AKT3: variants seen among roughly 807,000 people sequenced by gnomAD.
The protein encoded by AKT3 is RAC-gamma serine/threonine-protein kinase.
AKT3 carries 15 observed loss-of-function variants against 65.3 expected under a neutral mutation model. That is an observed-to-expected ratio of 0.23 (90% confidence interval 0.15 to 0.35). The LOEUF is 0.35. Among genes scored for constraint, AKT3 ranks in the 10% least tolerant of loss-of-function variants. AKT3 has a pLI of 1.00. For missense variants in AKT3, 243 were observed against 576.5 expected (o/e 0.42, Z 5.92); for synonymous variants, 206 against 183.8 (o/e 1.12, Z -0.98).
At chr1:243,804,445 T>C (rs1463344713) in intron 2 of AKT3, among the ~76,000 whole-genome samples, 2 of 152,226 alleles carry the variant, frequency 1.3e-5, no homozygotes, top group African/African-American at 4.8e-5. Flanking sequence ...TTGAAGTATA[T>C]ACACATTGTA....
chr1:243,791,716 C>A (rs1691643635), intron 2 of AKT3, among the ~76,000 whole-genome samples: 1 of 152,090 alleles, frequency 6.6e-6, no homozygotes, highest in South Asian at 2.1e-4. Flanking sequence ...TATTCCAGTC[C>A]CCTTCTCTCA....
At chr1:243,700,445 C>T (rs1285282054) in intron 2 of AKT3, among the ~76,000 whole-genome samples, 1 of 151,688 alleles carries the variant, frequency 6.6e-6, no homozygotes, top group Non-Finnish European at 1.5e-5. Flanking sequence ...CCATAGAAAA[C>T]ATCCTGAATT....
chr1:243,803,628 G>C (rs1348408986), intron 2 of AKT3, among the ~76,000 whole-genome samples: 1 of 144,770 alleles, frequency 6.9e-6, no homozygotes, highest in African/African-American at 2.6e-5. Context: ...GTTTGTTACA[G>C]AACAAAGACG....
intron 2 of AKT3, among the ~76,000 whole-genome samples, chr1:243,785,889 G>A (rs1691231482): frequency 6.6e-6 from 1 of 152,196 alleles, no homozygotes; most frequent in Admixed American, 6.5e-5. Context: ...TCCCAACACA[G>A]CCTGAAAGGA....
chr1:243,543,559 G>A (rs1034610343), intron 12 of AKT3, among the ~76,000 whole-genome samples: 4 of 152,148 alleles, frequency 2.6e-5, no homozygotes, highest in Admixed American at 2.0e-4. Flanking sequence ...AACCATGCAT[G>A]ATTTCTGGGA....
chr1:243,691,329 G>A (rs532382449), intron 3 of AKT3, among the ~76,000 whole-genome samples: 34 of 152,292 alleles, frequency 2.2e-4, no homozygotes, highest in Middle Eastern at 6.8e-3. Context: ...GATCTATGAT[G>A]TATTAAGAAA....
chr1:243,654,238 T>C (rs1241997230), intron 4 of AKT3, among the ~76,000 whole-genome samples: 1 of 152,172 alleles, frequency 6.6e-6, no homozygotes, highest in Non-Finnish European at 1.5e-5. Context: ...TACAGCAACC[T>C]CACAAAAAAT....
intron 2 of AKT3, among the ~76,000 whole-genome samples, chr1:243,784,201 A>G (rs142641253): frequency 1.0e-3 from 156 of 152,310 alleles, no homozygotes; most frequent in African/African-American, 3.4e-3. Flanking sequence ...TACATAATGA[A>G]AAATCCTTCA....
At chr1:243,696,967 A>T (rs796797124) in intron 2 of AKT3, among the ~76,000 whole-genome samples, 7 of 152,116 alleles carry the variant, frequency 4.6e-5, no homozygotes, top group African/African-American at 1.7e-4. Context: ...ATCTTTTACT[A>T]TAAAGGGCAA....
intron 2 of AKT3, among the ~76,000 whole-genome samples, chr1:243,724,461 T>C (rs1687093110): frequency 6.6e-6 from 1 of 152,106 alleles, no homozygotes; most frequent in African/African-American, 2.4e-5. Flanking sequence ...CAAAAGCATA[T>C]TTTTTTCAAA....
intron 8 of AKT3, among the ~76,000 whole-genome samples, chr1:243,594,474 C>A (rs1420002829): frequency 6.6e-6 from 1 of 152,004 alleles, no homozygotes; most frequent in Non-Finnish European, 1.5e-5. Flanking sequence ...AAATATACTC[C>A]CAAAGCAACA....
chr1:243,605,444 A>T (rs1677328526), intron 8 of AKT3, among the ~76,000 whole-genome samples: 1 of 152,210 alleles, frequency 6.6e-6, no homozygotes. Context: ...ATGCATGGAA[A>T]GTAGGAAGTA....
chr1:243,812,006 T>C (rs1319995097), intron 2 of AKT3, among the ~76,000 whole-genome samples: 2 of 152,254 alleles, frequency 1.3e-5, no homozygotes, highest in Non-Finnish European at 2.9e-5. Context: ...CCTTACATCT[T>C]ATACAAAAAT....
At chr1:243,594,341 TAATC>T (rs1439421287) in intron 8 of AKT3, among the ~76,000 whole-genome samples, 2 of 152,210 alleles carry the variant, frequency 1.3e-5, no homozygotes, top group South Asian at 2.1e-4. Flanking sequence ...AATGCAATCA[TAATC>T]AAAGTTACAG....
chr1:243,829,350 T>C (rs963816971), intron 2 of AKT3, among the ~76,000 whole-genome samples: 1 of 152,110 alleles, frequency 6.6e-6, no homozygotes, highest in Non-Finnish European at 1.5e-5. Context: ...GGTGAAGAGT[T>C]TGTAAGTATG....
intron 3 of AKT3, among the ~76,000 whole-genome samples, chr1:243,684,037 C>T (rs575196977): frequency 2.0e-5 from 3 of 152,230 alleles, no homozygotes; most frequent in East Asian, 1.9e-4. Flanking sequence ...TTGGTCTATA[C>T]CCCGTTCCCC....
rs533645626 is a variant in AKT3 at position 243,843,542 on chromosome 1, AC to A, written c.-112-261del. 54 of 1,058,162 alleles carry A rather than the reference AC, an allele frequency of 5.1e-5. No homozygotes were observed. The African/African-American group carries it at 8.8e-4, about 17-fold the overall frequency. 65.5% of individuals were successfully genotyped at this position (1,058,162 alleles called of 1,614,324 possible). On this transcript the variant is annotated intron_variant, in intron 1 of 13. Transcript: ENST00000673466. ...AGTCTTAAGAAAACCAGTCACGCCTACCCAAATAATAGAGAAAATTTGTTTG... is the reference window on the plus strand; with the variant it reads ...AGTCTTAAGAAAACCAGTCACGCCTACCAAATAATAGAGAAAATTTGTTTG...
At chr1:243,773,527 T>C (rs570667368) in intron 2 of AKT3, among the ~76,000 whole-genome samples, 25 of 152,170 alleles carry the variant, frequency 1.6e-4, no homozygotes, top group Admixed American at 7.2e-4. Context: ...GGTGGGAAGA[T>C]AGCTTGAGCC....
intron 2 of AKT3, among the ~76,000 whole-genome samples, chr1:243,728,739 G>T (rs1407151365): frequency 6.6e-6 from 1 of 152,134 alleles, no homozygotes; most frequent in African/African-American, 2.4e-5. Flanking sequence ...TTTAAAGTAC[G>T]TGTCATTAAA....
Sources: allele counts gnomAD v4.1 joint callset (sites outside exome capture counted in the v4.1 genomes callset), GRCh38; gene constraint gnomAD v4.1.1; transcripts MANE v1.5; gene names NCBI Gene and HGNC (gene_info 2026-07-23, HGNC 2026-07-21).